GC: variants seen among roughly 807,000 people sequenced by gnomAD.
The protein encoded by GC is GC vitamin D binding protein, also known as vitamin D-binding protein.
GC carries 43 observed loss-of-function variants against 56.7 expected under a neutral mutation model. The ratio of observed to expected loss-of-function variants is 0.76; its 90% CI spans 0.59 to 0.98. The LOEUF (loss-of-function observed/expected upper bound fraction) is 0.98, where lower values mean the gene tolerates loss of function less well. GC is among the 50% of genes least tolerant of loss of function. The pLI is 0.00. For synonymous variants in GC, 216 were observed against 202.7 expected, an observed-to-expected ratio of 1.07 and a Z score of -0.56; for missense variants, 529 against 545.9, an observed-to-expected ratio of 0.97 and a Z score of 0.31.
rs765028124 is a variant in GC at position 71,769,411 on chromosome 4, G to T, written c.59-11C>A. The T allele has an allele frequency of 2.5e-6, 4 of 1,599,120 alleles. No individual in the cohort carries two copies. The highest frequency in any genetic ancestry group is 3.4e-6 in the Non-Finnish European group (4 of 1,167,230). On this transcript the variant is annotated splice_polypyrimidine_tract_variant and intron_variant, in intron 1 of 12. Coordinates refer to ENST00000273951, the MANE Select transcript of GC (RefSeq NM_000583.4). ...TTTCATAATCCCGGCCTAGGAGGCA[G>T]AAATAGAAAAATTTGTATGTGTCCC...
intron 6 of GC, among the ~76,000 whole-genome samples, chr4:71,758,594 GT>G (rs1204601846): frequency 6.6e-6 from 1 of 152,084 alleles, no homozygotes; most frequent in African/African-American, 2.4e-5. Context: ...ACACCACAGA[GT>G]TAACAAATGT....
chr4:71,794,308 C>T (rs2149309675), intron 1 of GC, among the ~76,000 whole-genome samples: 1 of 152,268 alleles, frequency 6.6e-6, no homozygotes, highest in South Asian at 2.1e-4. Flanking sequence ...GTTTGGTAAG[C>T]TATTAATTAT....
At chr4:71,764,573 G>A (rs1742097372) in intron 4 of GC, among the ~76,000 whole-genome samples, 1 of 152,036 alleles carries the variant, frequency 6.6e-6, no homozygotes, top group African/African-American at 2.4e-5. Context: ...GAATGTAATT[G>A]CTAGATTAAT....
chr4:71,784,048 C>T lies in GC; in HGVS notation c.-30G>A. 1 of 1,599,472 alleles carries T rather than the reference C, an allele frequency of 6.3e-7. No individual in the cohort carries two copies. Among genetic ancestry groups the T allele is most frequent in the Non-Finnish European group, 8.5e-7 (1 of 1,171,452 alleles). On this transcript the variant is annotated 5_prime_UTR_variant, in exon 1 of 13. Transcript: ENST00000273951. ...CTACCAGAGAGTCTTGCAGCACCTC[C>T]TCTCTCCTGTAGGTGACCATGTAAA...
At chr4:71,760,949 T>G (rs1741951869) in intron 6 of GC, among the ~76,000 whole-genome samples, 1 of 152,210 alleles carries the variant, frequency 6.6e-6, no homozygotes, top group Non-Finnish European at 1.5e-5. Context: ...AGGTATGTCT[T>G]TATCAGCAGC....
chr4:71,800,673 G>A (rs1267727106), intron 1 of GC, among the ~76,000 whole-genome samples: 1 of 152,112 alleles, frequency 6.6e-6, no homozygotes, highest in Non-Finnish European at 1.5e-5. Flanking sequence ...TTCAATAGTG[G>A]TTGAAATAAT....
intron 1 of GC, among the ~76,000 whole-genome samples, chr4:71,783,534 T>C (rs1165349590): frequency 6.6e-6 from 1 of 151,808 alleles, no homozygotes; most frequent in Non-Finnish European, 1.5e-5. Context: ...AATCTCTAAG[T>C]TGACATCATG....
At chr4:71,790,341 G>C (rs751031975) in intron 1 of GC, among the ~76,000 whole-genome samples, 3 of 151,878 alleles carry the variant, frequency 2.0e-5, no homozygotes, top group Non-Finnish European at 4.4e-5. Flanking sequence ...ATGATTAAAT[G>C]GTACATCTTT....
At chr4:71,775,199 A>T (rs1742469784) in intron 1 of GC, among the ~76,000 whole-genome samples, 1 of 152,042 alleles carries the variant, frequency 6.6e-6, no homozygotes, top group African/African-American at 2.4e-5. Flanking sequence ...GGCAGCATAT[A>T]CTAATATTGC....
At chr4:71,794,833 G>A (rs1743057990) in intron 1 of GC, among the ~76,000 whole-genome samples, 1 of 152,112 alleles carries the variant, frequency 6.6e-6, no homozygotes, top group Non-Finnish European at 1.5e-5. Context: ...CTTTAAATGT[G>A]TCTCAGAGAT....
chr4:71,801,728 T>A (rs1743258656), intron 1 of GC, among the ~76,000 whole-genome samples: 1 of 151,972 alleles, frequency 6.6e-6, no homozygotes, highest in Non-Finnish European at 1.5e-5. Context: ...TAAAAATGAA[T>A]AATAATAATG....
At chr4:71,803,259 C>G (rs1370899621) in intron 1 of GC, among the ~76,000 whole-genome samples, 2 of 152,104 alleles carry the variant, frequency 1.3e-5, no homozygotes, top group African/African-American at 4.8e-5. Flanking sequence ...TCTGATTTGG[C>G]TGAACATAAA....
chr4:71,780,436 A>G (rs907357155), intron 1 of GC, among the ~76,000 whole-genome samples: 2 of 152,128 alleles, frequency 1.3e-5, no homozygotes, highest in African/African-American at 4.8e-5. Context: ...CTACCATCAG[A>G]GTGAACAGCA....
At chr4:71,750,688 C>G (rs1009255243) in intron 11 of GC, among the ~76,000 whole-genome samples, 7 of 152,102 alleles carry the variant, frequency 4.6e-5, no homozygotes, top group East Asian at 1.9e-4. Context: ...AGTTCCAGAT[C>G]AGCCTGGCCA....
intron 12 of GC, among the ~76,000 whole-genome samples, chr4:71,742,229 G>A (rs934561227): frequency 2.0e-5 from 3 of 152,080 alleles, no homozygotes; most frequent in African/African-American, 7.2e-5. Flanking sequence ...GGCATAATGA[G>A]GCCCCCAATC....
intron 11 of GC, among the ~76,000 whole-genome samples, chr4:71,751,159 T>C (rs745757556): frequency 6.6e-6 from 1 of 152,190 alleles, no homozygotes; most frequent in African/African-American, 2.4e-5. Flanking sequence ...AAATGGAGGA[T>C]GTGAACGTAT....
intron 1 of GC, among the ~76,000 whole-genome samples, chr4:71,801,259 C>G (rs1275868360): frequency 6.6e-6 from 1 of 152,146 alleles, no homozygotes; most frequent in Non-Finnish European, 1.5e-5. Flanking sequence ...AAATGCAAAG[C>G]AAAACCAAAA....
In GC at chr4:71,746,110, A is replaced by T. The variant is rs1578277493; in HGVS notation, c.*25+41T>A. ...TTTGATATTTAAAATACATCCTACA[A>T]TGCTGGATCCGTTGGTCCTGCATTT... On this transcript the variant is annotated intron_variant, in intron 12 of 12. Coordinates refer to ENST00000273951, the MANE Select transcript of GC (RefSeq NM_000583.4). The T allele has an allele frequency of 1.5e-5, 12 of 776,894 alleles. No individual in the cohort carries two copies. The East Asian group carries it at 3.0e-4, about 19-fold the overall frequency. The allele number at this position is 776,894 out of a possible 1,614,324, so 48.1% of individuals were successfully genotyped here.
chr4:71,746,977 T>C (rs1741398102), intron 11 of GC, among the ~76,000 whole-genome samples: 3 of 151,980 alleles, frequency 2.0e-5, no homozygotes, highest in Non-Finnish European at 4.4e-5. Context: ...TGCCTGAAAC[T>C]AAATACCAAG....
Sources: allele counts gnomAD v4.1 joint callset (sites outside exome capture counted in the v4.1 genomes callset), GRCh38; gene constraint gnomAD v4.1.1; transcripts MANE v1.5; gene names NCBI Gene and HGNC (gene_info 2026-07-23, HGNC 2026-07-21).